LANCL3: variants seen among roughly 807,000 people sequenced by gnomAD.
LANCL3 encodes lanC-like protein 3.
In LANCL3, 19 loss-of-function variants were observed where a neutral mutation model predicts 26.5. The observed-to-expected ratio is 0.72, with a 90% confidence interval of 0.50 to 1.05. The LOEUF (loss-of-function observed/expected upper bound fraction) is 1.05. Among genes scored for constraint, LANCL3 ranks in the 50% least tolerant of loss-of-function variants. The pLI is 0.00. For missense variants in LANCL3, 318 were observed against 362.7 expected, an observed-to-expected ratio of 0.88 and a Z score of 1.00; for synonymous variants, 160 against 166.6, an observed-to-expected ratio of 0.96 and a Z score of 0.30.
intron 1 of LANCL3, among the ~76,000 whole-genome samples, chrX:37,585,484 A>G (rs782106385): frequency 8.3e-4 from 93 of 111,979 alleles, no homozygotes; most frequent in South Asian, 1.5e-3. Flanking sequence ...GTGCTCCTGT[A>G]TTGGGTGCAT....
chrX:37,630,755 A>G (rs1450164412), intron 1 of LANCL3, among the ~76,000 whole-genome samples: 1 of 110,289 alleles, frequency 9.1e-6, no homozygotes, highest in Non-Finnish European at 1.9e-5. Context: ...GATTACATTT[A>G]TTGATTTGCG....
intron 2 of LANCL3, among the ~76,000 whole-genome samples, chrX:37,657,542 ATTT>A (rs34071239): frequency 0.21 from 19,786 of 92,359 alleles, 1,713 homozygotes; most frequent in African/African-American, 0.31. Flanking sequence ...TTTATCTTTA[ATTT>A]TTTTTTTTTT....
Position 37,598,173 on chromosome X carries a change from A to G in LANCL3, c.573+25730A>G, listed in dbSNP as rs375494800. Among the ~76,000 whole-genome samples, 23 of 111,639 alleles carry G rather than the reference A, an allele frequency of 2.1e-4. No individual in the cohort carries two copies. The East Asian group carries it at 5.4e-3, about 26-fold the overall frequency. On this transcript the variant is annotated intron_variant, in intron 1 of 4. Coordinates refer to ENST00000378619, the MANE Select transcript of LANCL3 (RefSeq NM_001170331.2). ...AAGCACAAGTTCTTAATTTTTATAA[A>G]GTCCAGTTTATCAACTTTATCTTTT...
intron 1 of LANCL3, among the ~76,000 whole-genome samples, chrX:37,636,312 T>A (rs1198935683): frequency 8.9e-6 from 1 of 111,994 alleles, no homozygotes; most frequent in Non-Finnish European, 1.9e-5. Flanking sequence ...TGATATCTAT[T>A]CCTTTGGGTA....
rs150997261 is a variant in LANCL3, at chrX:37,643,184, A to C, written c.574-12504A>C. On this transcript the variant is annotated intron_variant, in intron 1 of 4. Transcript: ENST00000378619. Reference sequence around the variant, plus strand: ...AAGCTACAAAGTGTTCTAGTCCTTTAAGCTTCCTATTAGGAAGAAAGTACA... The same window carrying C: ...AAGCTACAAAGTGTTCTAGTCCTTTCAGCTTCCTATTAGGAAGAAAGTACA... Among the ~76,000 whole-genome samples the C allele has an allele frequency of 8.6e-3, 965 of 112,119 alleles. 9 individuals carry two copies. The highest frequency in any genetic ancestry group is 0.03 in the African/African-American group (915 of 30,856).
intron 1 of LANCL3, among the ~76,000 whole-genome samples, chrX:37,616,374 C>G (rs1925008599): frequency 9.0e-6 from 1 of 111,493 alleles, no homozygotes; most frequent in African/African-American, 3.3e-5. Flanking sequence ...AAATATGTGA[C>G]TTCACACAAC....
rs781861332 is a variant in LANCL3, at chrX:37,571,969, C to T, written c.99C>T (p.Ala33=). 9.2e-6 allele frequency: 11 copies of T among 1,197,897 alleles called. No individual in the cohort carries two copies. The East Asian group carries it at 1.5e-4, about 16-fold the overall frequency. ...CEEAVAPLVT[A]TIERILQELP... is the part of the protein sequence containing the mutation. The stretch of plus-strand genomic sequence containing the variant: ...AGGCGGTGGCGCCCTTGGTCACCGC[C>T]ACCATCGAGCGCATCCTCCAGGAGC... The change falls in exon 1 of 5, where the codon GCC becomes GCT. Residue 33 remains alanine, a synonymous_variant. Transcript: ENST00000378619.
intron 1 of LANCL3, among the ~76,000 whole-genome samples, chrX:37,642,591 G>T (rs1273777225): frequency 8.9e-6 from 1 of 112,071 alleles, no homozygotes; most frequent in Non-Finnish European, 1.9e-5. Context: ...TAACAGCCAT[G>T]TATGTCCATT....
chrX:37,584,212 C>T (rs1261506647), intron 1 of LANCL3, among the ~76,000 whole-genome samples: 2 of 110,810 alleles, frequency 1.8e-5, no homozygotes, highest in South Asian at 3.8e-4. Context: ...CTGCTGGATT[C>T]GGTTTGCCAG....
Position 37,575,416 on chromosome X carries a change from T to G in LANCL3, c.573+2973T>G, listed in dbSNP as rs1923719735. On this transcript the variant is annotated intron_variant, in intron 1 of 4. Transcript: ENST00000378619. ...TTTCATTGATGTTCATTGCCAAGAC[T>G]GCCTGACACATTTTTAGATGCCCAG... 2.7e-5 allele frequency among the ~76,000 whole-genome samples: 3 copies of G among 111,843 alleles called. No homozygotes were observed. The Admixed American group carries it at 2.8e-4, about 11-fold the overall frequency.
intron 1 of LANCL3, among the ~76,000 whole-genome samples, chrX:37,606,717 C>T (rs1271763103): frequency 8.9e-6 from 1 of 111,752 alleles, no homozygotes; most frequent in South Asian, 3.8e-4. Context: ...GTCCCACGTA[C>T]GTGTACTCCT....
chrX:37,654,417 G>T (rs1000412453), intron 1 of LANCL3, among the ~76,000 whole-genome samples: 1 of 112,226 alleles, frequency 8.9e-6, no homozygotes, highest in Non-Finnish European at 1.9e-5. Flanking sequence ...ACTTTTTATT[G>T]ATCCCAGATT....
chrX:37,650,335 G>A (rs1184925964), intron 1 of LANCL3, among the ~76,000 whole-genome samples: 2 of 101,232 alleles, frequency 2.0e-5, no homozygotes, highest in Non-Finnish European at 4.0e-5. Flanking sequence ...CCCAATGCCG[G>A]GTCCCATGCC....
chrX:37,636,639 T>C (rs1336971990), intron 1 of LANCL3, among the ~76,000 whole-genome samples: 1 of 112,144 alleles, frequency 8.9e-6, no homozygotes, highest in Non-Finnish European at 1.9e-5. Flanking sequence ...TGACTCTCAA[T>C]TGAAAAACAA....
chrX:37,656,515 ACT>A (rs1381238226), intron 2 of LANCL3, among the ~76,000 whole-genome samples: 8 of 111,742 alleles, frequency 7.2e-5, no homozygotes, highest in Admixed American at 1.9e-4. Context: ...AGATTTCAAG[ACT>A]CTGCTCAAAC....
At chrX:37,577,914 A>G (rs782420381) in intron 1 of LANCL3, among the ~76,000 whole-genome samples, 1 of 111,982 alleles carries the variant, frequency 8.9e-6, no homozygotes. Flanking sequence ...GTAAATAACA[A>G]AATGCCCAAT....
chrX:37,640,752 T>A (rs782780596), intron 1 of LANCL3, among the ~76,000 whole-genome samples: 3 of 111,715 alleles, frequency 2.7e-5, no homozygotes, highest in Non-Finnish European at 3.8e-5. Flanking sequence ...ACAGTGACCA[T>A]TTGAAACTTG....
At chrX:37,585,488 G>A (rs1924040582) in intron 1 of LANCL3, among the ~76,000 whole-genome samples, 1 of 111,765 alleles carries the variant, frequency 8.9e-6, no homozygotes, top group Admixed American at 9.4e-5. Context: ...TCCTGTATTG[G>A]GTGCATATAC....
intron 1 of LANCL3, among the ~76,000 whole-genome samples, chrX:37,612,304 T>C (rs1243272129): frequency 5.4e-5 from 6 of 111,735 alleles, no homozygotes; most frequent in Admixed American, 9.5e-5. Context: ...TCTATGAGAA[T>C]GGAACCTGGA....
Sources: allele counts gnomAD v4.1 joint callset (sites outside exome capture counted in the v4.1 genomes callset), GRCh38; gene constraint gnomAD v4.1.1; transcripts MANE v1.5; gene names NCBI Gene and HGNC (gene_info 2026-07-23, HGNC 2026-07-21).